Variants in CREBBP observed in about 807,000 individuals in gnomAD.
CREBBP encodes CREB-binding protein.
Under a neutral mutation model 265.0 loss-of-function variants are expected in CREBBP, and 19 were observed. That is an observed-to-expected ratio of 0.07 (90% CI 0.05 to 0.11). The LOEUF (loss-of-function observed/expected upper bound fraction) is 0.11. CREBBP is among the 10% of genes least tolerant of loss of function. The probability of loss-of-function intolerance (pLI) is 1.00; values close to 1 mark genes in which losing one functional copy is unlikely to be tolerated. For synonymous variants in CREBBP, 1,457 were observed against 1,223.7 expected (o/e 1.19, Z -3.98); for missense variants, 2,525 against 3,219.0 (o/e 0.78, Z 5.22).
chr16:3,864,920 A>C (rs2055146901), intron 1 of CREBBP, among the ~76,000 whole-genome samples: 1 of 152,208 alleles, frequency 6.6e-6, no homozygotes, highest in Non-Finnish European at 1.5e-5. Flanking sequence ...TACAAAAATT[A>C]GCGGGGCATG....
At chr16:3,817,555 A>C (rs917824185) in intron 2 of CREBBP, among the ~76,000 whole-genome samples, 1 of 152,204 alleles carries the variant, frequency 6.6e-6, no homozygotes, top group Non-Finnish European at 1.5e-5. Context: ...AAAACTAATT[A>C]AGGGTTTAAG....
chr16:3,740,184 G>A (rs2052167562), intron 24 of CREBBP, among the ~76,000 whole-genome samples: 3 of 152,186 alleles, frequency 2.0e-5, no homozygotes, highest in African/African-American at 4.8e-5. Context: ...ACTATAATAT[G>A]GTATGTGGTC....
Position 3,791,995 on chromosome 16 carries a change from T to A in CREBBP, c.1316A>T (p.Lys439Met), listed in dbSNP as rs1487159105. The change falls in exon 5 of 31, where the codon AAG (lysine) becomes ATG (methionine). Residue 439 changes from lysine (K) to methionine (M), a missense_variant. Physicochemically the swap from Lys to Met is moderately conservative, Grantham distance 95 (BLOSUM62 -1). Coordinates refer to ENST00000262367, the MANE Select transcript of CREBBP (RefSeq NM_004380.3). Reference protein sequence around the residue: ...VCLPLKNASDKRNQQTILGSP... With the variant: ...VCLPLKNASDMRNQQTILGSP... ...TGCTCACTTACTTTGTTGGTTTCGC[T>A]TGTCACTGGCATTTTTCAAAGGGAG... 5 of 1,613,866 alleles carry A rather than the reference T, an allele frequency of 3.1e-6. No individual in the cohort carries two copies. The highest frequency in any genetic ancestry group is 3.4e-6 in the Non-Finnish European group (4 of 1,179,826).
rs1295122362 is a variant in CREBBP at position 3,850,930 on chromosome 16, G to T, written c.165C>A (p.Asn55Lys). The T allele has an allele frequency of 6.2e-7, 1 of 1,614,180 alleles. No homozygotes were observed. The highest frequency in any genetic ancestry group is 8.5e-7 in the Non-Finnish European group (1 of 1,180,038). Residue 55 changes from asparagine to lysine, a missense_variant, in exon 2 of 31, where the codon AAC (asparagine) becomes AAA (lysine). Physicochemically the swap from Asn to Lys is moderately conservative, Grantham distance 94 (BLOSUM62 0). Coordinates refer to ENST00000262367, the MANE Select transcript of CREBBP (RefSeq NM_004380.3). Reference sequence around the variant, plus strand: ...CAGCATCTGGAACAAGGTTCCCACTGTTTAAAAGGCCTAATTCTCCTCCAT... The same window carrying T: ...CAGCATCTGGAACAAGGTTCCCACTTTTTAAAAGGCCTAATTCTCCTCCAT... ...IPNGGELGLL[N>K]SGNLVPDAAS...
rs147795744 is a variant in CREBBP at position 3,769,331 on chromosome 16, A to C, written c.2903T>G (p.Ile968Ser). 1 of 1,614,218 alleles carries C rather than the reference A, an allele frequency of 6.2e-7. No homozygotes were observed. The highest frequency in any genetic ancestry group is 8.5e-7 in the Non-Finnish European group (1 of 1,180,028). The change falls in exon 15 of 31, where the codon ATT (isoleucine) becomes AGT (serine). Residue 968 changes from isoleucine to serine, a missense_variant. Ile to Ser is a moderately radical substitution (Grantham distance 142, BLOSUM62 -2). This residue lies in a region of CREBBP where 548 missense variants were observed against 533.0 expected (regional missense o/e 1.03). Coordinates refer to ENST00000262367, the MANE Select transcript of CREBBP (RefSeq NM_004380.3). ...GTPLSQAAAS[I>S]DNRVPTPSSV... ...GGAGGGGGTAGGGACTCTGTTATCA[A>C]TGCTGGCTGCTGCCTGGGAAAGCTG...
chr16:3,865,699 C>T (rs1463312535), intron 1 of CREBBP, among the ~76,000 whole-genome samples: 2 of 151,008 alleles, frequency 1.3e-5, no homozygotes, highest in Non-Finnish European at 2.9e-5. Context: ...AATGTAGTGG[C>T]GCGACCTCAG....
At chr16:3,755,959 T>C (rs546734676) in intron 19 of CREBBP, among the ~76,000 whole-genome samples, 1 of 152,140 alleles carries the variant, frequency 6.6e-6, no homozygotes, top group Non-Finnish European at 1.5e-5. Flanking sequence ...GAGACATTTT[T>C]GTGTCAAAAG....
At chr16:3,768,152 T>G (rs1033303214) in intron 15 of CREBBP, among the ~76,000 whole-genome samples, 1 of 117,676 alleles carries the variant, frequency 8.5e-6, no homozygotes, top group African/African-American at 3.7e-5. Context: ...TTTTTTTTTT[T>G]TTTTTTTTTT....
intron 23 of CREBBP, chr16:3,742,728 T>C (rs963275606): frequency 2.0e-5 from 3 of 152,132 alleles, no homozygotes. Flanking sequence ...ATACCTTTAC[T>C]CTGTGATCAG....
At chr16:3,777,748 T>C in intron 10 of CREBBP, 91 bp from the exon 11 acceptor site, 1 of 1,492,222 alleles carries the variant, frequency 6.7e-7, no homozygotes, top group Non-Finnish European at 9.3e-7. Context: ...TATTAGGACT[T>C]CAAACTTAAA....
At chr16:3,863,779 T>C (rs995718216) in intron 1 of CREBBP, among the ~76,000 whole-genome samples, 2 of 152,150 alleles carry the variant, frequency 1.3e-5, no homozygotes, top group African/African-American at 4.8e-5. Flanking sequence ...CAACATGGTT[T>C]GCGTGCTGCT....
chr16:3,752,422 C>T (rs1183251072), intron 19 of CREBBP, among the ~76,000 whole-genome samples: 1 of 150,878 alleles, frequency 6.6e-6, no homozygotes, highest in African/African-American at 2.4e-5. Context: ...TATGAAAATG[C>T]TGAGCACCCA....
intron 2 of CREBBP, among the ~76,000 whole-genome samples, chr16:3,816,607 A>C (rs1567335843): frequency 6.6e-6 from 1 of 152,198 alleles, no homozygotes; most frequent in Non-Finnish European, 1.5e-5. Flanking sequence ...ATGATCAACA[A>C]AGAGGAGGGA....
At chr16:3,835,576 C>CTTTTT (rs1021938849) in intron 2 of CREBBP, among the ~76,000 whole-genome samples, 31 of 117,484 alleles carry the variant, frequency 2.6e-4, no homozygotes, top group African/African-American at 7.7e-4. Flanking sequence ...AAGATTTCTT[C>CTTTTT]TTTTTTTTTT....
intron 5 of CREBBP, among the ~76,000 whole-genome samples, chr16:3,790,763 G>A (rs1178693393): frequency 2.0e-5 from 3 of 152,168 alleles, no homozygotes; most frequent in Non-Finnish European, 4.4e-5. Context: ...TGCTTTAAAG[G>A]AAGCAGGGTC....
At chr16:3,752,208 G>C (rs2052490390) in intron 19 of CREBBP, among the ~76,000 whole-genome samples, 1 of 152,144 alleles carries the variant, frequency 6.6e-6, no homozygotes. Context: ...CCAAATTTAG[G>C]AATCTGAATT....
intron 1 of CREBBP, among the ~76,000 whole-genome samples, chr16:3,862,114 C>A (rs1359147240): frequency 6.6e-6 from 1 of 152,134 alleles, no homozygotes; most frequent in East Asian, 1.9e-4. Context: ...AGGAAGACAG[C>A]CAATGGACAC....
intron 11 of CREBBP, 85 bp from the exon 12 acceptor site, chr16:3,774,778 A>G: frequency 3.2e-6 from 5 of 1,547,118 alleles, no homozygotes; most frequent in Non-Finnish European, 4.4e-6. Flanking sequence ...TCTTAAGTAA[A>G]ATAAGATGGA....
intron 2 of CREBBP, among the ~76,000 whole-genome samples, chr16:3,839,839 AAGAG>A (rs1187722257): frequency 4.0e-5 from 6 of 151,088 alleles, no homozygotes; most frequent in Admixed American, 4.0e-4. Context: ...AAGAGAAGGA[AAGAG>A]AGAGAGGAAG....
Sources: allele counts gnomAD v4.1 joint callset (sites outside exome capture counted in the v4.1 genomes callset), GRCh38; gene constraint gnomAD v4.1.1; regional missense constraint gnomAD v4.1.1; transcripts MANE v1.5; gene names NCBI Gene and HGNC (gene_info 2026-07-23, HGNC 2026-07-21).